Variants in PHACTR3 observed in about 807,000 individuals in gnomAD.
PHACTR3 encodes protein phosphatase 1, regulatory subunit 123.
PHACTR3 carries 16 observed loss-of-function variants against 66.8 expected under a neutral mutation model. The ratio of observed to expected loss-of-function variants is 0.24; its 90% CI spans 0.16 to 0.36. The LOEUF is 0.36. PHACTR3 is among the 10% of genes least tolerant of loss of function. The probability of loss-of-function intolerance (pLI) is 1.00; values close to 1 mark genes in which losing one functional copy is unlikely to be tolerated. For missense variants in PHACTR3, 647 were observed against 719.9 expected, an observed-to-expected ratio of 0.90 and a Z score of 1.16; for synonymous variants, 323 against 292.1, an observed-to-expected ratio of 1.11 and a Z score of -1.08.
At chr20:59,705,201 G>T (rs996316740) in intron 1 of PHACTR3, among the ~76,000 whole-genome samples, 4 of 151,944 alleles carry the variant, frequency 2.6e-5, no homozygotes, top group Admixed American at 6.6e-5. Flanking sequence ...AAAGTGATCC[G>T]CCCGCCTCAG....
chr20:59,635,169 C>CCTTTCTTTCTTTCTTTCTTTCTTTCTTT (rs11471795), intron 1 of PHACTR3, among the ~76,000 whole-genome samples: 1 of 55,340 alleles, frequency 1.8e-5, no homozygotes, highest in African/African-American at 7.5e-5. Flanking sequence ...TTCTTTCTTT[C>CCTTTCTTTCTTTCTTTCTTTCTTTCTTT]CTTTCTTTCT....
At chr20:59,744,021 C>T (rs1254869196) in intron 2 of PHACTR3, among the ~76,000 whole-genome samples, 3 of 152,226 alleles carry the variant, frequency 2.0e-5, no homozygotes, top group Non-Finnish European at 4.4e-5. Flanking sequence ...TTGGGAACTG[C>T]AGCCATGAGG....
intron 10 of PHACTR3, among the ~76,000 whole-genome samples, chr20:59,840,879 A>C (rs1254909034): frequency 2.0e-5 from 3 of 152,252 alleles, no homozygotes; most frequent in African/African-American, 7.2e-5. Context: ...TGACTCAAAC[A>C]GTTAACATTT....
intron 1 of PHACTR3, among the ~76,000 whole-genome samples, chr20:59,597,936 T>A (rs558911690): frequency 1.3e-5 from 2 of 152,334 alleles, no homozygotes; most frequent in African/African-American, 4.8e-5. Flanking sequence ...TCAGCAATCT[T>A]TCCCAGAGGC....
chr20:59,830,982 C>T lies in PHACTR3; in HGVS notation c.1329-5523C>T, dbSNP rs1320830098. On this transcript the variant is annotated intron_variant, in intron 8 of 12. Transcript: ENST00000371015. This position sits in a 1 kb window ranked among gnomAD's most constrained non-coding sequence, Gnocchi z 5.8. Reference sequence around the variant, plus strand: ...TCTCCAGGCGTCCTGACTGTCCAGGCTGTCGGCGGTCTCATCAGCTCCACC... The same window carrying T: ...TCTCCAGGCGTCCTGACTGTCCAGGTTGTCGGCGGTCTCATCAGCTCCACC... Among the ~76,000 whole-genome samples the T allele has an allele frequency of 6.6e-6, 1 of 152,286 alleles. No individual in the cohort carries two copies. Among genetic ancestry groups the T allele is most frequent in the East Asian group, 1.9e-4 (1 of 5,170 alleles).
intron 1 of PHACTR3, among the ~76,000 whole-genome samples, chr20:59,720,679 G>C (rs181137796): frequency 1.3e-5 from 2 of 152,146 alleles, no homozygotes; most frequent in African/African-American, 2.4e-5. Context: ...TGTGTTTGCC[G>C]TGCATTTTTT....
chr20:59,723,036 A>G (rs956560292), intron 1 of PHACTR3, among the ~76,000 whole-genome samples: 4 of 145,328 alleles, frequency 2.8e-5, no homozygotes, highest in African/African-American at 1.0e-4. Context: ...TTTTTTATTT[A>G]TTTCTCTTTT....
intron 7 of PHACTR3, among the ~76,000 whole-genome samples, chr20:59,800,223 T>C (rs2041371882): frequency 6.6e-6 from 1 of 152,226 alleles, no homozygotes; most frequent in South Asian, 2.1e-4. Flanking sequence ...ATTATATATT[T>C]ACACTTGTGG....
intron 1 of PHACTR3, among the ~76,000 whole-genome samples, chr20:59,642,048 C>T (rs1411018981): frequency 1.3e-5 from 2 of 152,184 alleles, no homozygotes; most frequent in Non-Finnish European, 2.9e-5. Flanking sequence ...TCTGTTGGAA[C>T]TCCTGGGTCT....
At chr20:59,826,789 C>T (rs2042204480) in intron 8 of PHACTR3, among the ~76,000 whole-genome samples, 1 of 152,198 alleles carries the variant, frequency 6.6e-6, no homozygotes, top group Non-Finnish European at 1.5e-5. Flanking sequence ...TGTTCTTGGC[C>T]TTTCTTCCTC....
intron 1 of PHACTR3, among the ~76,000 whole-genome samples, chr20:59,733,821 G>A (rs1476192976): frequency 2.0e-5 from 3 of 152,152 alleles, no homozygotes; most frequent in African/African-American, 4.8e-5. Context: ...TTCATGCCAG[G>A]TGCTCAGCAC....
intron 1 of PHACTR3, among the ~76,000 whole-genome samples, chr20:59,737,003 T>G (rs2038967683): frequency 6.6e-6 from 1 of 152,076 alleles, no homozygotes; most frequent in African/African-American, 2.4e-5. Flanking sequence ...TGCATTGGAT[T>G]TTTGGTTTAG....
At chr20:59,726,942 G>T (rs184659811) in intron 1 of PHACTR3, among the ~76,000 whole-genome samples, 9 of 152,162 alleles carry the variant, frequency 5.9e-5, no homozygotes, top group African/African-American at 9.6e-5. Context: ...CAGTGTTTTT[G>T]ATTAAATTCT....
intron 1 of PHACTR3, among the ~76,000 whole-genome samples, chr20:59,595,043 C>T (rs886339586): frequency 6.6e-6 from 1 of 152,192 alleles, no homozygotes; most frequent in African/African-American, 2.4e-5. Flanking sequence ...TCTTCTTTGA[C>T]CTATGTGGCA....
chr20:59,615,786 G>T (rs2034005956), intron 1 of PHACTR3, among the ~76,000 whole-genome samples: 1 of 152,208 alleles, frequency 6.6e-6, no homozygotes, highest in Admixed American at 6.5e-5. Context: ...TGCTGATTCT[G>T]TTAGCCTATT....
intron 8 of PHACTR3, among the ~76,000 whole-genome samples, chr20:59,833,293 G>C (rs2042438444): frequency 6.6e-6 from 1 of 152,240 alleles, no homozygotes; most frequent in Non-Finnish European, 1.5e-5. Context: ...GACTGCCTCT[G>C]TGCCTTGGGA....
At chr20:59,752,867 C>G (rs1357623669) in intron 3 of PHACTR3, among the ~76,000 whole-genome samples, 1 of 151,506 alleles carries the variant, frequency 6.6e-6, no homozygotes, top group South Asian at 2.1e-4. Context: ...TGGCAGAGCC[C>G]TGTGCTCCCC....
intron 1 of PHACTR3, among the ~76,000 whole-genome samples, chr20:59,658,121 A>G (rs1016730648): frequency 6.6e-6 from 1 of 152,114 alleles, no homozygotes; most frequent in Non-Finnish European, 1.5e-5. Context: ...AACTTTAATT[A>G]TTATAATTTT....
At chr20:59,776,780 C>T (rs1020477878) in intron 7 of PHACTR3, among the ~76,000 whole-genome samples, 6 of 44,266 alleles carry the variant, frequency 1.4e-4, no homozygotes, top group African/African-American at 2.3e-4. Flanking sequence ...GGTTGAGACA[C>T]AGAGTTTCTG....
Sources: allele counts gnomAD v4.1 joint callset (sites outside exome capture counted in the v4.1 genomes callset), GRCh38; gene constraint gnomAD v4.1.1; non-coding constraint Gnocchi (gnomAD v3.1); transcripts MANE v1.5; gene names NCBI Gene and HGNC (gene_info 2026-07-23, HGNC 2026-07-21).